RORA: variants seen among roughly 807,000 people sequenced by gnomAD.
RORA encodes RAR related orphan receptor A, also known as nuclear receptor ROR-alpha.
RORA carries 7 observed loss-of-function variants against 69.5 expected under a neutral mutation model. The observed-to-expected ratio is 0.10, with a 90% CI of 0.06 to 0.19. The LOEUF (loss-of-function observed/expected upper bound fraction) is 0.19. Ranked by LOEUF, RORA falls within the 10% of genes least tolerant of loss-of-function variation. RORA has a pLI of 1.00. For missense variants in RORA, 457 were observed against 663.0 expected (o/e 0.69, Z 3.41); for synonymous variants, 261 against 240.8 (o/e 1.08, Z -0.78).
Position 60,592,690 on chromosome 15 carries a change from GC to G in RORA, c.197-60840del, listed in dbSNP as rs2068568433. 2.9e-6 allele frequency: 3 copies of G among 1,045,410 alleles called. 1 individual carries two copies. Among genetic ancestry groups the G allele is most frequent in the South Asian group, 9.1e-5 (2 of 22,062 alleles). The allele number at this position is 1,045,410 out of a possible 1,614,324, so 64.8% of individuals were successfully genotyped here. A position where few individuals can be genotyped will look rare whatever the true frequency, so the allele number is the denominator to read the frequency against. On this transcript the variant is annotated intron_variant, in intron 2 of 10. Transcript: ENST00000335670. The stretch of plus-strand genomic sequence containing the variant: ...GCGCCCCAGCGCCGCGCCCCGCCCC[GC>G]CCCCGCGGGCAGGTGAGTAGCAGCG...
intron 1 of RORA, among the ~76,000 whole-genome samples, chr15:61,066,516 T>G (rs550739167): frequency 4.4e-5 from 6 of 135,048 alleles, no homozygotes; most frequent in Non-Finnish European, 7.7e-5. Context: ...AACCTCCACC[T>G]CCCAGGTTCA....
chr15:60,728,240 C>T (rs1287396968), intron 1 of RORA, among the ~76,000 whole-genome samples: 1 of 152,126 alleles, frequency 6.6e-6, no homozygotes, highest in East Asian at 1.9e-4. Context: ...CTCATTATGT[C>T]ACCCAGGCTA....
rs939822070 is a variant in RORA, at chr15:60,493,682, T to A, written c.*3773A>T. On this transcript the variant is annotated 3_prime_UTR_variant, in exon 11 of 11. Coordinates refer to ENST00000335670, the MANE Select transcript of RORA (RefSeq NM_134261.3). The stretch of plus-strand genomic sequence containing the variant: ...TTTTTTTTAGAAAATTACATTACTT[T>A]CTTTCTTTGTTTCACATTACAAAAT... The A allele has an allele frequency of 2.0e-5, 3 of 152,088 alleles. No individual in the cohort carries two copies. Among genetic ancestry groups the A allele is most frequent in the East Asian group, 1.9e-4 (1 of 5,198 alleles). 9.4% of individuals were successfully genotyped at this position (152,088 alleles called of 1,614,324 possible). A position where few individuals can be genotyped will look rare whatever the true frequency, so the allele number is the denominator to read the frequency against.
chr15:60,597,577 C>CATATATATATATAT (rs1303140365), intron 2 of RORA, among the ~76,000 whole-genome samples: 2 of 25,300 alleles, frequency 7.9e-5, no homozygotes, highest in Admixed American at 6.5e-4. Context: ...TATATATACA[C>CATATATATATATAT]ATATATATAT....
chr15:61,178,440 T>C (rs994997077), intron 1 of RORA, among the ~76,000 whole-genome samples: 4 of 152,084 alleles, frequency 2.6e-5, no homozygotes, highest in African/African-American at 9.7e-5. Flanking sequence ...GAAAATATAA[T>C]CTGAAAGTGC....
intron 1 of RORA, among the ~76,000 whole-genome samples, chr15:61,050,256 C>T (rs1233100657): frequency 6.6e-6 from 1 of 152,226 alleles, no homozygotes; most frequent in African/African-American, 2.4e-5. Context: ...ATGAGACACG[C>T]ACCCGTGGCT....
chr15:60,715,112 G>C (rs2071202399), intron 1 of RORA, among the ~76,000 whole-genome samples: 1 of 152,182 alleles, frequency 6.6e-6, no homozygotes, highest in African/African-American at 2.4e-5. Context: ...TTTTGTGAGA[G>C]AGGATGAGTT....
intron 3 of RORA, among the ~76,000 whole-genome samples, chr15:60,524,724 C>T (rs1037795832): frequency 1.3e-5 from 2 of 152,102 alleles, no homozygotes; most frequent in African/African-American, 2.4e-5. Flanking sequence ...TGTTGAACAA[C>T]CAGAGGAAAA....
chr15:60,497,237 C>A lies in RORA; in HGVS notation c.*218G>T. On this transcript the variant is annotated 3_prime_UTR_variant, in exon 11 of 11. Transcript: ENST00000335670. ...GTCAAGACAGAAAAAGGGTCCATAT[C>A]TGTAGGCATAATGGAAATCATATGC... 2.0e-6 allele frequency: 1 copy of A among 496,998 alleles called. No homozygotes were observed. 30.8% of individuals were successfully genotyped at this position (496,998 alleles called of 1,614,324 possible). A position where few individuals can be genotyped will look rare whatever the true frequency, so the allele number is the denominator to read the frequency against.
At chr15:60,713,275 G>A (rs918017701) in intron 1 of RORA, among the ~76,000 whole-genome samples, 3 of 152,114 alleles carry the variant, frequency 2.0e-5, no homozygotes, top group Non-Finnish European at 4.4e-5. Flanking sequence ...ACAGTCTGAG[G>A]CTGAAGAGGT....
At chr15:60,951,140 CA>C (rs1893080089) in intron 1 of RORA, among the ~76,000 whole-genome samples, 1 of 152,166 alleles carries the variant, frequency 6.6e-6, no homozygotes, top group African/African-American at 2.4e-5. Context: ...GAATCTCACT[CA>C]AAACTGCTCA....
chr15:60,717,194 T>G (rs1489196827), intron 1 of RORA, among the ~76,000 whole-genome samples: 1 of 152,180 alleles, frequency 6.6e-6, no homozygotes, highest in Non-Finnish European at 1.5e-5. Context: ...TGGGAAAAAC[T>G]CCCACGCATG....
chr15:60,512,905 C>T (rs1227029093), intron 4 of RORA, among the ~76,000 whole-genome samples: 2 of 152,160 alleles, frequency 1.3e-5, no homozygotes, highest in African/African-American at 2.4e-5. Context: ...TCCATGAACT[C>T]ACTTATTTTT....
At chr15:61,112,544 C>A (rs550414895) in intron 1 of RORA, among the ~76,000 whole-genome samples, 6 of 152,196 alleles carry the variant, frequency 3.9e-5, no homozygotes, top group African/African-American at 1.2e-4. Flanking sequence ...AAGGTTGAGG[C>A]CAGGAAGTAA....
intron 1 of RORA, among the ~76,000 whole-genome samples, chr15:60,784,273 T>C (rs2072305393): frequency 1.3e-5 from 2 of 152,152 alleles, no homozygotes; most frequent in African/African-American, 2.4e-5. Flanking sequence ...TCCTTTGCAG[T>C]AAAATATAGG....
chr15:60,978,941 G>GT (rs553866498), intron 1 of RORA, among the ~76,000 whole-genome samples: 1 of 140,496 alleles, frequency 7.1e-6, no homozygotes, highest in Non-Finnish European at 1.5e-5. Flanking sequence ...ATCAGGAAGT[G>GT]TGAGTCCTCC....
chr15:60,968,667 CTT>C (rs5813056), intron 1 of RORA, among the ~76,000 whole-genome samples: 21 of 145,676 alleles, frequency 1.4e-4, no homozygotes, highest in African/African-American at 4.6e-4. Context: ...CAACATAAAT[CTT>C]TTTTTTTTTT....
At chr15:60,661,679 C>T (rs1481074098) in intron 2 of RORA, among the ~76,000 whole-genome samples, 5 of 152,268 alleles carry the variant, frequency 3.3e-5, no homozygotes, top group East Asian at 3.9e-4. Context: ...GGCAGAGGCA[C>T]GGGAACTAAA....
At chr15:60,584,776 T>C (rs532305344) in intron 2 of RORA, among the ~76,000 whole-genome samples, 2 of 151,628 alleles carry the variant, frequency 1.3e-5, no homozygotes, top group Admixed American at 1.3e-4. Flanking sequence ...AAAATAACAT[T>C]CTGTGAAAAA....
Sources: allele counts gnomAD v4.1 joint callset (sites outside exome capture counted in the v4.1 genomes callset), GRCh38; gene constraint gnomAD v4.1.1; transcripts MANE v1.5; gene names NCBI Gene and HGNC (gene_info 2026-07-23, HGNC 2026-07-21).